PCDH11X: variants seen among roughly 807,000 people sequenced by gnomAD.
PCDH11X encodes the protein protocadherin 11 X-linked.
PCDH11X carries 18 observed loss-of-function variants against 53.3 expected under a neutral mutation model. The observed-to-expected ratio is 0.34, with a 90% CI of 0.23 to 0.50. The LOEUF is 0.50. PCDH11X is among the 20% of genes least tolerant of loss of function. The pLI, the probability that PCDH11X is intolerant of heterozygous loss-of-function variation, is 0.98. For synonymous variants in PCDH11X, 279 were observed against 393.3 expected, an observed-to-expected ratio of 0.71 and a Z score of 3.44; for missense variants, 570 against 1,032.4, an observed-to-expected ratio of 0.55 and a Z score of 6.14.
At chrX:91,947,058 G>A (rs1000675755) in intron 6 of PCDH11X, among the ~76,000 whole-genome samples, 11 of 102,261 alleles carry the variant, frequency 1.1e-4, no homozygotes, top group African/African-American at 3.5e-4. Flanking sequence ...TTAATGGTCA[G>A]TCAGGAAGTG....
At chrX:91,836,068 A>G in intron 5 of PCDH11X, 24 bp downstream of exon 5, 1 of 1,189,480 alleles carries the variant, frequency 8.4e-7, no homozygotes, top group South Asian at 1.9e-5. Context: ...TCACTTTGTT[A>G]AAGATATCAT....
chrX:92,205,672 C>G (rs1321579463), intron 7 of PCDH11X, among the ~76,000 whole-genome samples: 2 of 105,100 alleles, frequency 1.9e-5, no homozygotes, highest in Non-Finnish European at 3.9e-5. Context: ...ATGATCTCAG[C>G]TCACTGCAAC....
At chrX:91,856,692 A>G (rs1277693193) in intron 5 of PCDH11X, among the ~76,000 whole-genome samples, 2 of 109,956 alleles carry the variant, frequency 1.8e-5, no homozygotes, top group Admixed American at 9.7e-5. Context: ...ATAAGTTAGA[A>G]CATGTGGTGT....
intron 8 of PCDH11X, among the ~76,000 whole-genome samples, chrX:92,326,639 T>TATATATAATATATATATATATATAG (rs758088746): frequency 4.6e-4 from 18 of 39,317 alleles, no homozygotes; most frequent in Non-Finnish European, 6.8e-4. Flanking sequence ...TATATATATA[T>TATATATAATATATATATATATATAG]AGAGAGAGAG....
chrX:92,418,112 A>G (rs765500623), intron 9 of PCDH11X, among the ~76,000 whole-genome samples: 1 of 106,274 alleles, frequency 9.4e-6, no homozygotes, highest in African/African-American at 3.4e-5. Context: ...GCCCCAAGCT[A>G]GGTCTCTTCT....
At chrX:92,519,219 T>C (rs1018580988) in intron 10 of PCDH11X, among the ~76,000 whole-genome samples, 2 of 108,539 alleles carry the variant, frequency 1.8e-5, no homozygotes, top group Non-Finnish European at 3.8e-5. Context: ...ATAGAGAAGA[T>C]GAGTAACTCA....
intron 6 of PCDH11X, among the ~76,000 whole-genome samples, chrX:92,088,053 T>G (rs1487923338): frequency 9.4e-6 from 1 of 106,689 alleles, no homozygotes; most frequent in Non-Finnish European, 1.9e-5. Flanking sequence ...CCCAATTATT[T>G]TGAGTGTGAG....
chrX:91,830,534 G>A (rs970794761), intron 4 of PCDH11X, among the ~76,000 whole-genome samples: 2 of 110,238 alleles, frequency 1.8e-5, no homozygotes, highest in East Asian at 2.9e-4. Flanking sequence ...TAGGTTTATC[G>A]GTTGCTCCAA....
intron 10 of PCDH11X, among the ~76,000 whole-genome samples, chrX:92,561,529 C>G (rs1254390541): frequency 1.3e-4 from 12 of 93,017 alleles, no homozygotes; most frequent in Non-Finnish European, 2.6e-4. Context: ...ATGCATCCAT[C>G]TTTGAATCAC....
chrX:92,104,028 T>C (rs1454791071), intron 6 of PCDH11X, among the ~76,000 whole-genome samples: 1 of 111,574 alleles, frequency 9.0e-6, no homozygotes, highest in Non-Finnish European at 1.9e-5. Context: ...AGTCATGAAC[T>C]GGGCTGGATT....
At chrX:92,509,046 T>A (rs2750878) in intron 10 of PCDH11X, among the ~76,000 whole-genome samples, 28,649 of 80,472 alleles carry the variant, frequency 0.36, 6,473 homozygotes, top group East Asian at 0.73. Context: ...GCAATTTCCC[T>A]GGGAAACAAG....
intron 5 of PCDH11X, among the ~76,000 whole-genome samples, chrX:91,843,107 A>T (rs1305457924): frequency 9.4e-6 from 1 of 106,356 alleles, no homozygotes; most frequent in Non-Finnish European, 1.9e-5. Flanking sequence ...ATATTTAATG[A>T]GTGCTCAATG....
rs771823629 is a variant in PCDH11X, at chrX:92,111,219, TAAAAAAAAAA to T, written c.3034-90133_3034-90124del. 1.0e-3 allele frequency among the ~76,000 whole-genome samples: 20 copies of T among 19,817 alleles called. 1 individual carries two copies. In the Admixed American group the frequency reaches 0.012, roughly 12 times the overall value. 17.2% of individuals were successfully genotyped at this position (19,817 alleles called of 115,157 possible). A position where few individuals can be genotyped will look rare whatever the true frequency, so the allele number is the denominator to read the frequency against. On this transcript the variant is annotated intron_variant, in intron 6 of 10. Transcript: ENST00000682573. Reference sequence around the variant, plus strand: ...GAGCTGGATTTGAATCACCTAACGCTAAAAAAAAAAAAAAAAAAAAAAAAAAAAAAAATCA... The same window carrying T: ...GAGCTGGATTTGAATCACCTAACGCTAAAAAAAAAAAAAAAAAAAAAATCA...
intron 6 of PCDH11X, among the ~76,000 whole-genome samples, chrX:92,066,126 A>G (rs373194413): frequency 4.3e-4 from 40 of 92,071 alleles, no homozygotes; most frequent in African/African-American, 1.4e-3. Context: ...TCTCTAGTGT[A>G]TGTTCTTGGT....
At chrX:91,976,879 A>G (rs960185072) in intron 6 of PCDH11X, among the ~76,000 whole-genome samples, 1 of 112,021 alleles carries the variant, frequency 8.9e-6, no homozygotes, top group Non-Finnish European at 1.9e-5. Context: ...TATCCATATT[A>G]CCTCTGTAAT....
chrX:92,245,784 A>G (rs989692726), intron 7 of PCDH11X, among the ~76,000 whole-genome samples: 1 of 112,109 alleles, frequency 8.9e-6, no homozygotes, highest in African/African-American at 3.2e-5. Context: ...CTCCTTACAT[A>G]TGATGCACCT....
rs763000692 is a variant in PCDH11X at position 92,618,705 on chromosome X, G to T, written c.3809G>T (p.Ser1270Ile). 3 of 1,211,989 alleles carry T rather than the reference G, an allele frequency of 2.5e-6. No individual in the cohort carries two copies. In the Admixed American group the frequency reaches 6.5e-5, roughly 26 times the overall value. ...CCACAGGTTATTGCCCTCCATCGTA[G>T]TCAGGCCCAATCATCAGTCAGTTTG... Reference protein sequence around the residue: ...PLPQVIALHRSQAQSSVSLQQ... With the variant: ...PLPQVIALHRIQAQSSVSLQQ... The change falls in exon 11 of 11, where the codon AGT (serine) becomes ATT (isoleucine). Residue 1270 changes from serine to isoleucine, a missense_variant. Physicochemically the swap from Ser to Ile is moderately radical, Grantham distance 142. Around this residue, in one of 6 missense-constraint regions of PCDH11X, gnomAD observed 234 missense variants for 296.1 expected, o/e 0.79. Coordinates refer to ENST00000682573, the MANE Select transcript of PCDH11X (RefSeq NM_032968.5).
intron 10 of PCDH11X, among the ~76,000 whole-genome samples, chrX:92,531,340 G>T (rs2074550831): frequency 9.0e-6 from 1 of 111,280 alleles, no homozygotes; most frequent in Non-Finnish European, 1.9e-5. Flanking sequence ...AAAGTTATTA[G>T]CTCCATAGGT....
At chrX:92,054,945 A>C (rs762839866) in intron 6 of PCDH11X, among the ~76,000 whole-genome samples, 1 of 96,086 alleles carries the variant, frequency 1.0e-5, no homozygotes, top group East Asian at 3.3e-4. Flanking sequence ...CAGTTGCTCA[A>C]AAGAAGTTAT....
Sources: allele counts gnomAD v4.1 joint callset (sites outside exome capture counted in the v4.1 genomes callset), GRCh38; gene constraint gnomAD v4.1.1; regional missense constraint gnomAD v4.1.1; transcripts MANE v1.5; gene names NCBI Gene and HGNC (gene_info 2026-07-23, HGNC 2026-07-21).